The following ALKBH1 variants were observed in gnomAD, a reference collection of about 807,000 sequenced individuals.
ALKBH1 encodes the protein nucleic acid dioxygenase ALKBH1.
Under a neutral mutation model 36.6 loss-of-function variants are expected in ALKBH1, and 31 were observed. The observed-to-expected ratio is 0.85, with a 90% CI of 0.64 to 1.14. The LOEUF is 1.14. ALKBH1 is among the 50% of genes most tolerant of loss of function. The pLI is 0.00. For missense variants in ALKBH1, 490 were observed against 497.3 expected (o/e 0.99, Z 0.14); for synonymous variants, 183 against 186.6 (o/e 0.98, Z 0.16).
At chr14:77,678,507 C>A (rs2080218249) in intron 4 of ALKBH1, among the ~76,000 whole-genome samples, 1 of 146,396 alleles carries the variant, frequency 6.8e-6, no homozygotes, top group South Asian at 2.1e-4. Context: ...GTGATTGTGC[C>A]ACTGCACTCC....
intron 1 of ALKBH1, among the ~76,000 whole-genome samples, chr14:77,705,827 G>T (rs1036386125): frequency 3.9e-5 from 6 of 152,178 alleles, no homozygotes; most frequent in African/African-American, 1.4e-4. Context: ...AGCCAAGGCA[G>T]GTAGATCACC....
intron 3 of ALKBH1, among the ~76,000 whole-genome samples, chr14:77,680,677 C>CTTTTTTTTTTTTTTTTTTT (rs1555383644): frequency 2.4e-5 from 3 of 124,348 alleles, no homozygotes; most frequent in African/African-American, 9.6e-5. Context: ...ATTAACTACT[C>CTTTTTTTTTTTTTTTTTTT]TTTTTTTTTT....
At chr14:77,691,125 A>G (rs926751274) in intron 3 of ALKBH1, among the ~76,000 whole-genome samples, 1 of 152,192 alleles carries the variant, frequency 6.6e-6, no homozygotes, top group South Asian at 2.1e-4. Flanking sequence ...GTACACTTTT[A>G]CAACAATCTC....
chr14:77,704,956 C>T (rs1317692645), intron 1 of ALKBH1, among the ~76,000 whole-genome samples: 1 of 152,200 alleles, frequency 6.6e-6, no homozygotes, highest in Non-Finnish European at 1.5e-5. Context: ...ACCTTTCCAA[C>T]TTCTTATGGG....
intron 4 of ALKBH1, among the ~76,000 whole-genome samples, chr14:77,677,743 T>C (rs2080213662): frequency 6.6e-6 from 1 of 152,212 alleles, no homozygotes; most frequent in Non-Finnish European, 1.5e-5. Context: ...AACTGTAAAT[T>C]AGAAGAGTTC....
At chr14:77,686,747 G>A (rs544544888) in intron 3 of ALKBH1, among the ~76,000 whole-genome samples, 32 of 152,052 alleles carry the variant, frequency 2.1e-4, no homozygotes, top group Non-Finnish European at 3.8e-4. Context: ...CCTCAGCCTC[G>A]CAAGTAGCTG....
chr14:77,690,145 G>C (rs979792889), intron 3 of ALKBH1, among the ~76,000 whole-genome samples: 1 of 152,028 alleles, frequency 6.6e-6, no homozygotes, highest in African/African-American at 2.4e-5. Context: ...TGATCTAAGG[G>C]AAGAGCTTCC....
At chr14:77,699,859 C>T (rs553130859) in intron 2 of ALKBH1, among the ~76,000 whole-genome samples, 2 of 152,082 alleles carry the variant, frequency 1.3e-5, no homozygotes, top group South Asian at 4.1e-4. Flanking sequence ...TCAAGACCAT[C>T]CTGGCTAACA....
At chr14:77,696,662 T>C (rs976787371) in intron 2 of ALKBH1, 1 of 152,416 alleles carries the variant, frequency 6.6e-6, no homozygotes, top group African/African-American at 2.4e-5. Context: ...GTAGCTGTAC[T>C]AGCCAGGGAC....
rs1168049728 is a variant in ALKBH1 at position 77,672,758 on chromosome 14, T to G, written c.*1054A>C. On this transcript the variant is annotated 3_prime_UTR_variant, in exon 6 of 6. Transcript: ENST00000216489. ...AGGTCCAGAGAAATGTAAAGTAACCTGGACCATGATATAGTCAGTCAAATT... is the reference window on the plus strand; with the variant it reads ...AGGTCCAGAGAAATGTAAAGTAACCGGGACCATGATATAGTCAGTCAAATT... 1 of 152,228 alleles carries G rather than the reference T, an allele frequency of 6.6e-6. No individual in the cohort carries two copies. Among genetic ancestry groups the G allele is most frequent in the Non-Finnish European group, 1.5e-5 (1 of 68,034 alleles). 9.4% of individuals were successfully genotyped at this position (152,228 alleles called of 1,614,324 possible).
At chr14:77,688,416 C>T (rs911404387) in intron 3 of ALKBH1, among the ~76,000 whole-genome samples, 21 of 151,816 alleles carry the variant, frequency 1.4e-4, no homozygotes, top group Non-Finnish European at 2.8e-4. Context: ...CTGCCATGTC[C>T]GGATAATTTT....
intron 2 of ALKBH1, among the ~76,000 whole-genome samples, chr14:77,703,295 T>G (rs1016655342): frequency 6.6e-6 from 1 of 151,100 alleles, no homozygotes; most frequent in African/African-American, 2.4e-5. Context: ...TATTAGGACT[T>G]TCTTTTTTTT....
chr14:77,680,221 T>C (rs2080229199), intron 3 of ALKBH1, among the ~76,000 whole-genome samples: 1 of 126,890 alleles, frequency 7.9e-6, no homozygotes, highest in Admixed American at 8.9e-5. Context: ...ATCACAAGCC[T>C]CCAGCATCTT....
At position 77,673,700 on chromosome 14, in the gene ALKBH1, T is replaced by G; in HGVS notation, c.*112A>C. 1 of 1,122,160 alleles carries G rather than the reference T, an allele frequency of 8.9e-7. No homozygotes were observed. The highest frequency in any genetic ancestry group is 2.3e-5 in the Admixed American group (1 of 44,002). 69.5% of individuals were successfully genotyped at this position (1,122,160 alleles called of 1,614,324 possible). A position where few individuals can be genotyped will look rare whatever the true frequency, so the allele number is the denominator to read the frequency against. On this transcript the variant is annotated 3_prime_UTR_variant, in exon 6 of 6. Transcript: ENST00000216489. ...AACAGTGTGATCAACAATGAGTTCT[T>G]CCCTGTCTCTGTTTTTGGCTTGTCT... is the stretch of plus-strand genomic sequence containing the variant.
intron 2 of ALKBH1, among the ~76,000 whole-genome samples, chr14:77,698,101 C>G (rs1164657767): frequency 6.6e-6 from 1 of 152,080 alleles, no homozygotes; most frequent in African/African-American, 2.4e-5. Context: ...TTTTGTAAGA[C>G]CAGCTATGAA....
chr14:77,694,480 T>C (rs2080316024), intron 3 of ALKBH1, among the ~76,000 whole-genome samples: 2 of 152,220 alleles, frequency 1.3e-5, no homozygotes, highest in South Asian at 4.1e-4. Flanking sequence ...CATGTGATGA[T>C]TAATGAGGAT....
At position 77,699,617 on chromosome 14, in the gene ALKBH1, C is replaced by T. The variant is rs991524365; in HGVS notation, c.293-4717G>A. Among the ~76,000 whole-genome samples the T allele has an allele frequency of 6.6e-5, 10 of 152,328 alleles. No homozygotes were observed. The South Asian group carries it at 2.1e-3, about 32-fold the overall frequency. The stretch of plus-strand genomic sequence containing the variant: ...GGCTTCACTGATTCATCCCTCTCTC[C>T]TGGCCCATCACAAGGCTAGCACACA... On this transcript the variant is annotated intron_variant, in intron 2 of 5. Coordinates refer to ENST00000216489, the MANE Select transcript of ALKBH1 (RefSeq NM_006020.3).
At chr14:77,691,170 G>A (rs1595054397) in intron 3 of ALKBH1, among the ~76,000 whole-genome samples, 1 of 152,238 alleles carries the variant, frequency 6.6e-6, no homozygotes, top group East Asian at 1.9e-4. Context: ...AAAAAGAACA[G>A]AATTGAGGTA....
intron 3 of ALKBH1, among the ~76,000 whole-genome samples, chr14:77,684,582 A>C (rs1446956455): frequency 1.3e-5 from 2 of 152,080 alleles, no homozygotes; most frequent in Non-Finnish European, 2.9e-5. Flanking sequence ...GCTGGTTTCG[A>C]ATTCTGGACC....
Sources: gnomAD v4.1 joint callset for allele counts (sites outside exome capture counted in the v4.1 genomes callset) on GRCh38, gnomAD v4.1.1 for gene constraint, MANE v1.5 for transcripts, NCBI Gene and HGNC (gene_info 2026-07-23, HGNC 2026-07-21) for gene names.